The following MTSS2 variants were observed in gnomAD, a reference collection of about 807,000 sequenced individuals.
MTSS2 encodes MTSS I-BAR domain containing 2.
MTSS2 carries 27 observed loss-of-function variants against 67.1 expected under a neutral mutation model. The observed-to-expected ratio is 0.40, with a 90% CI of 0.30 to 0.55. MTSS2 has a LOEUF of 0.55. MTSS2 is among the 20% of genes least tolerant of loss of function. The pLI, the probability that MTSS2 is intolerant of heterozygous loss-of-function variation, is 0.43. For synonymous variants in MTSS2, 624 were observed against 468.6 expected (o/e 1.33, Z -4.28); for missense variants, 1,171 against 1,067.8 (o/e 1.10, Z -1.35).
chr16:70,667,145 C>T (rs2052744045), intron 11 of MTSS2, among the ~76,000 whole-genome samples: 1 of 151,912 alleles, frequency 6.6e-6, no homozygotes, highest in Non-Finnish European at 1.5e-5. Context: ...GTGGCACATG[C>T]CTGTGGTCCC....
At chr16:70,683,322 T>G (rs1254924778) in intron 1 of MTSS2, among the ~76,000 whole-genome samples, 1 of 152,094 alleles carries the variant, frequency 6.6e-6, no homozygotes, top group Non-Finnish European at 1.5e-5. Context: ...GTGTGGAAAT[T>G]GAAGCAGGTG....
chr16:70,679,482 C>T (rs1597823886), intron 6 of MTSS2, 148 bp downstream of exon 6: 18 of 1,202,618 alleles, frequency 1.5e-5, no homozygotes, highest in Admixed American at 2.3e-5. Context: ...AAGGGCAGCT[C>T]CCTCTGTCCC....
Position 70,680,865 on chromosome 16 carries a change from G to T in MTSS2, c.134C>A (p.Thr45Asn), listed in dbSNP as rs1339732241. The T allele has an allele frequency of 1.3e-6, 2 of 1,554,538 alleles. No individual in the cohort carries two copies. The highest frequency in any genetic ancestry group is 1.7e-6 in the Non-Finnish European group (2 of 1,150,434). ...KATKLHSQLR[T>N]TVLAAVAFLD... ...GAAGGCCACAGCAGCCAGCACGGTG[G>T]TCCTGGGGAGAGGGACAACGGCATG... The change falls in exon 3 of 15, where the codon ACC becomes AAC. Residue 45 changes from threonine to asparagine, a missense_variant and splice_region_variant. By Grantham distance (65) the Thr-to-Asn change is moderately conservative. Coordinates refer to ENST00000338779, the MANE Select transcript of MTSS2 (RefSeq NM_138383.3).
chr16:70,663,974 G>A lies in MTSS2; in HGVS notation c.1947C>T (p.Ser649=). 3 of 1,578,464 alleles carry A rather than the reference G, an allele frequency of 1.9e-6. No homozygotes were observed. The highest frequency in any genetic ancestry group is 1.7e-6 in the Non-Finnish European group (2 of 1,163,662). The stretch of plus-strand genomic sequence containing the variant: ...CCCCGGGGTACCCGGCTGCCTCTGG[G>A]GATGGGCTGCCCCAGGCTGTGTTGG... ...SLPNTAWGSP[S]PEAAGYPGAG... The change falls in exon 15 of 15, where the codon TCC becomes TCT. Residue 649 remains serine, a synonymous_variant. Coordinates refer to ENST00000338779, the MANE Select transcript of MTSS2 (RefSeq NM_138383.3).
At position 70,662,811 on chromosome 16, in the gene MTSS2, T is replaced by C. The variant is rs2151899706; in HGVS notation, c.*866A>G. 1 of 152,368 alleles carries C rather than the reference T, an allele frequency of 6.6e-6. No individual in the cohort carries two copies. Among genetic ancestry groups the C allele is most frequent in the South Asian group, 2.1e-4 (1 of 4,822 alleles). 9.4% of individuals were successfully genotyped at this position (152,368 alleles called of 1,614,324 possible). A position where few individuals can be genotyped will look rare whatever the true frequency, so the allele number is the denominator to read the frequency against. ...ACTGCTCCAGTCACCCCCCGAAAGG[T>C]GGCTAAAACTGTGACCCCCAAAGTT... is the stretch of plus-strand genomic sequence containing the variant. On this transcript the variant is annotated 3_prime_UTR_variant, in exon 15 of 15. Transcript: ENST00000338779.
chr16:70,678,607 GAC>G (rs925032484), intron 7 of MTSS2, among the ~76,000 whole-genome samples, 198 bp from the exon 8 acceptor site: 10 of 152,228 alleles, frequency 6.6e-5, no homozygotes, highest in African/African-American at 1.4e-4. Context: ...AGAGAGGACA[GAC>G]ACACACACAA....
At position 70,679,818 on chromosome 16, in the gene MTSS2, G is replaced by A; in HGVS notation, c.350C>T (p.Ala117Val). Residue 117 changes from alanine to valine, a missense_variant, in exon 5 of 15, where the codon GCG (alanine) becomes GTG (valine). Ala to Val is a moderately conservative substitution (Grantham distance 64, BLOSUM62 0). Around this residue, in one of 2 missense-constraint regions of MTSS2, gnomAD observed 247 missense variants for 311.8 expected, o/e 0.79. Transcript: ENST00000338779. ...GTGGTCCTTGTCCAGCTGGTTGGCC[G>A]CCTTCTTCCAGTCCTCGATGCGCTC... The part of the protein sequence containing the change: ...LQERIEDWKK[A>V]ANQLDKDHAK... The A allele has an allele frequency of 1.9e-6, 3 of 1,609,256 alleles. No homozygotes were observed. Among genetic ancestry groups the A allele is most frequent in the African/African-American group, 2.7e-5 (2 of 75,010 alleles).
chr16:70,666,623 G>A (rs1032059174), intron 11 of MTSS2, among the ~76,000 whole-genome samples: 1 of 152,134 alleles, frequency 6.6e-6, no homozygotes, highest in Admixed American at 6.6e-5. Context: ...CTGCAGATTC[G>A]AATGAACCAA....
At chr16:70,681,173 C>T in intron 1 of MTSS2, 148 bp from the exon 2 acceptor site, 1 of 720,728 alleles carries the variant, frequency 1.4e-6, no homozygotes, top group Non-Finnish European at 2.2e-6. Flanking sequence ...TCTGGGTCCT[C>T]TCGGAGGGCA....
At chr16:70,665,659 C>G (rs988571632) in intron 11 of MTSS2, 119 bp from the exon 12 acceptor site, 3 of 816,488 alleles carry the variant, frequency 3.7e-6, no homozygotes, top group Non-Finnish European at 3.8e-6. Context: ...CAATTCAGCG[C>G]CTTGCCCAGC....
chr16:70,668,104 C>T (rs1054288866), intron 11 of MTSS2, among the ~76,000 whole-genome samples: 1 of 151,744 alleles, frequency 6.6e-6, no homozygotes, highest in Non-Finnish European at 1.5e-5. Context: ...CTTCCATGAC[C>T]AGATATCAAG....
At position 70,664,674 on chromosome 16, in the gene MTSS2, G is replaced by A. The variant is rs141746234; in HGVS notation, c.1395C>T (p.Asp465=). The change falls in exon 14 of 15, where the codon GAC becomes GAT. Residue 465 remains aspartate (D), a synonymous_variant. Transcript: ENST00000338779. ...LSLEHQKSSR[D]SLQYSSGYST... is the part of the protein sequence containing the mutation. ...TGTAGCCGCTGGAGTACTGCAGCGA[G>A]TCCCGGCTGCTCTTCTGGTGCTCCA... 150 of 1,613,408 alleles carry A rather than the reference G, an allele frequency of 9.3e-5. 1 individual carries two copies. In the African/African-American group the frequency reaches 1.7e-3, roughly 19 times the overall value.
rs1201041291 is a variant in MTSS2 at position 70,674,499 on chromosome 16, C to A, written c.860G>T (p.Gly287Val). 2 of 1,613,598 alleles carry A rather than the reference C, an allele frequency of 1.2e-6. No homozygotes were observed. The highest frequency in any genetic ancestry group is 2.7e-5 in the African/African-American group (2 of 74,934). The change falls in exon 11 of 15, where the codon GGT becomes GTT. Residue 287 changes from glycine (G) to valine (V), a missense_variant. By Grantham distance (109) the Gly-to-Val change is moderately radical (BLOSUM62 -3). Transcript: ENST00000338779. Reference protein sequence around the residue: ...SAPSSSSSAKGGGAPWPGGAQ... With the variant: ...SAPSSSSSAKVGGAPWPGGAQ... ...ACCCCCAGGCCATGGGGCTCCGCCA[C>A]CCTTGGCACTGCTACTGCTGCTGGG...
chr16:70,673,811 C>T (rs2053020351), intron 11 of MTSS2, among the ~76,000 whole-genome samples: 1 of 151,924 alleles, frequency 6.6e-6, no homozygotes, highest in Non-Finnish European at 1.5e-5. Flanking sequence ...CCTTGAATTA[C>T]TCAGGAGGTG....
chr16:70,674,542 G>A lies in MTSS2; in HGVS notation c.831-14C>T. 4 of 1,609,686 alleles carry A rather than the reference G, an allele frequency of 2.5e-6. No individual in the cohort carries two copies. The highest frequency in any genetic ancestry group is 1.1e-5 in the South Asian group (1 of 90,808). On this transcript the variant is annotated splice_polypyrimidine_tract_variant and intron_variant, in intron 10 of 14. Transcript: ENST00000338779. ...CTGCTGGGGGCACTAGGGGAGTGAA[G>A]GAAGAGGGCACAGCAGCCAGACAGG...
intron 9 of MTSS2, 62 bp from the exon 10 acceptor site, chr16:70,677,040 GCCCCC>G: frequency 1.6e-6 from 2 of 1,231,350 alleles, no homozygotes; most frequent in Non-Finnish European, 2.3e-6. Flanking sequence ...AGGGCCAGAG[GCCCCC>G]CCCCACTCTC....
intron 11 of MTSS2, among the ~76,000 whole-genome samples, chr16:70,673,033 T>G (rs1363314865): frequency 2.6e-5 from 4 of 152,022 alleles, no homozygotes; most frequent in African/African-American, 4.8e-5. Flanking sequence ...TGGTGGTGCA[T>G]GCCTATAGTC....
rs749000410 is a variant in MTSS2 at position 70,665,472 on chromosome 16, G to C, written c.1122C>G (p.Pro374=). 5.1e-6 allele frequency: 8 copies of C among 1,555,004 alleles called. No individual in the cohort carries two copies. Among genetic ancestry groups the C allele is most frequent in the Admixed American group, 3.9e-5 (2 of 51,646 alleles). The change falls in exon 12 of 15, where the codon CCC becomes CCG. Residue 374 remains proline, a synonymous_variant. Coordinates refer to ENST00000338779, the MANE Select transcript of MTSS2 (RefSeq NM_138383.3). The part of the protein sequence containing the change: ...TCQSVSECSS[P]TSDWSKVGSH... Reference sequence around the variant, plus strand: ...CCGGGCTGGGAGCACTGACCGAGGTGGGGGAGCTGCACTCGCTAACGGACT... The same window carrying C: ...CCGGGCTGGGAGCACTGACCGAGGTCGGGGAGCTGCACTCGCTAACGGACT...
Position 70,668,869 on chromosome 16 carries a change from A to G in MTSS2, c.1054-3329T>C, listed in dbSNP as rs1021387394. 2.0e-5 allele frequency among the ~76,000 whole-genome samples: 3 copies of G among 152,062 alleles called. No homozygotes were observed. In the South Asian group the frequency reaches 6.2e-4, roughly 32 times the overall value. ...CAGCCTCCAGAACTGTGAGCGCTAC[A>G]TTTCTGTAGTCTAAGCCACCCAGGT... On this transcript the variant is annotated intron_variant, in intron 11 of 14. Transcript: ENST00000338779.
Sources: allele counts gnomAD v4.1 joint callset (sites outside exome capture counted in the v4.1 genomes callset), GRCh38; gene constraint gnomAD v4.1.1; regional missense constraint gnomAD v4.1.1; transcripts MANE v1.5; gene names NCBI Gene and HGNC (gene_info 2026-07-23, HGNC 2026-07-21).